Variants in MZT2B observed in about 807,000 individuals in gnomAD.
The protein encoded by MZT2B is mitotic-spindle organizing protein 2B.
In MZT2B, 11 loss-of-function variants were observed where a neutral mutation model predicts 12.1. That is an observed-to-expected ratio of 0.91 (90% CI 0.57 to 1.50). The LOEUF is 1.50. MZT2B is among the 40% of genes most tolerant of loss of function. The pLI is 0.00. For missense variants in MZT2B, 209 were observed against 227.7 expected (o/e 0.92, Z 0.53); for synonymous variants, 85 against 109.5 (o/e 0.78, Z 1.40).
chr2:130,200,220 T>C, the MZT2B span, among the ~76,000 whole-genome samples: 1 of 151,934 alleles, frequency 6.6e-6, no homozygotes, highest in African/African-American at 2.4e-5. Flanking sequence ...TGAAACCCCG[T>C]CTCTACTAAA....
chr2:130,191,665 C>T (rs957682131), downstream of MZT2B: 9 of 1,280,526 alleles, frequency 7.0e-6, no homozygotes, highest in Non-Finnish European at 1.1e-6. Flanking sequence ...GGCAGGCTGG[C>T]ACCCCACCGC....
the MZT2B span, chr2:130,196,047 T>G: frequency 2.2e-6 from 3 of 1,353,116 alleles, no homozygotes; most frequent in Non-Finnish European, 3.0e-6. Context: ...TGCCTGTCTA[T>G]CCCATCCTTT....
At chr2:130,183,189 C>A (rs1689857126) in intron 2 of MZT2B, 4 of 304,942 alleles carry the variant, frequency 1.3e-5, no homozygotes, top group Non-Finnish European at 2.5e-5. Context: ...AGGGTGAGAT[C>A]CTGTCTCTAA....
the MZT2B span, among the ~76,000 whole-genome samples, chr2:130,204,575 T>C: frequency 4.0e-5 from 6 of 151,862 alleles, no homozygotes; most frequent in African/African-American, 9.7e-5. Flanking sequence ...CCTGTAATCC[T>C]AGCTACTTGG....
At chr2:130,181,880 A>G (rs1239415934), upstream of MZT2B, 45 of 1,273,004 alleles carry the variant, frequency 3.5e-5, no homozygotes, top group Non-Finnish European at 4.3e-6. Context: ...GCCCGCCCCG[A>G]AAAGCGACCC....
intron 2 of MZT2B, 27 bp downstream of exon 2, chr2:130,182,802 C>T: frequency 7.0e-7 from 1 of 1,419,274 alleles, no homozygotes. Context: ...CTGTCCCTGC[C>T]CCAGTGGCGG....
At chr2:130,196,364 C>T in the MZT2B span, 4 of 1,612,576 alleles carry the variant, frequency 2.5e-6, no homozygotes, top group East Asian at 2.2e-5. Flanking sequence ...GATAGAGATA[C>T]ACTCGCGCTG....
At chr2:130,184,993 C>G (rs1007789021) in intron 2 of MZT2B, 1 of 630,038 alleles carries the variant, frequency 1.6e-6, no homozygotes, top group African/African-American at 2.0e-5. Context: ...AGCAAGACCC[C>G]ATCTCTACAA....
chr2:130,198,645 C>T, the MZT2B span, among the ~76,000 whole-genome samples: 4 of 123,656 alleles, frequency 3.2e-5, 1 homozygote, highest in Non-Finnish European at 7.1e-5. Flanking sequence ...TGAGGCATTT[C>T]CGGGGTGTCT....
At chr2:130,193,111 C>T (rs1305212481), downstream of MZT2B, among the ~76,000 whole-genome samples, 9 of 151,468 alleles carry the variant, frequency 5.9e-5, 1 homozygote, top group Admixed American at 2.6e-4. Flanking sequence ...AAAAATTACC[C>T]GGGCATGGTG....
chr2:130,199,526 G>A, the MZT2B span, among the ~76,000 whole-genome samples: 1 of 122,818 alleles, frequency 8.1e-6, no homozygotes, highest in East Asian at 2.6e-4. Flanking sequence ...CTCAAGCCTG[G>A]GTGACAGAGC....
At chr2:130,204,492 A>G in the MZT2B span, 10 of 329,508 alleles carry the variant, frequency 3.0e-5, no homozygotes, top group South Asian at 2.6e-4. Context: ...GGAGTTTGAG[A>G]CCAGCCTGGC....
chr2:130,192,725 G>C (rs149297687), downstream of MZT2B, among the ~76,000 whole-genome samples: 5 of 152,158 alleles, frequency 3.3e-5, no homozygotes, highest in Non-Finnish European at 7.3e-5. Context: ...TTCAGAACTC[G>C]GTAATAACAT....
downstream of MZT2B, among the ~76,000 whole-genome samples, chr2:130,193,116 A>G (rs1690308850): frequency 6.6e-6 from 1 of 150,642 alleles, no homozygotes; most frequent in African/African-American, 2.4e-5. Flanking sequence ...TTACCCGGGC[A>G]TGGTGGTACA....
chr2:130,192,082 G>A (rs375397282), downstream of MZT2B: 101 of 1,609,010 alleles, frequency 6.3e-5, no homozygotes, highest in Middle Eastern at 3.3e-4. Context: ...ACCTTGGCCA[G>A]GTCTCCCCCG....
downstream of MZT2B, among the ~76,000 whole-genome samples, chr2:130,191,074 C>T (rs1690247277): frequency 6.6e-6 from 1 of 152,142 alleles, no homozygotes; most frequent in South Asian, 2.1e-4. Context: ...CTCAGCCTCC[C>T]AAGTAGCTGG....
intron 1 of MZT2B, 86 bp from the exon 2 acceptor site, chr2:130,182,541 C>T (rs1689771219): frequency 3.2e-6 from 5 of 1,553,470 alleles, no homozygotes; most frequent in Non-Finnish European, 4.3e-6. Flanking sequence ...TCGGGAGGAG[C>T]CCCCGCCCCC....
At chr2:130,196,144 C>T in the MZT2B span, 1 of 1,610,656 alleles carries the variant, frequency 6.2e-7, no homozygotes, top group Non-Finnish European at 8.5e-7. Flanking sequence ...TGCCCAGGCA[C>T]CTACCGACCA....
At chr2:130,198,509 G>A in the MZT2B span, 1 of 959,402 alleles carries the variant, frequency 1.0e-6, no homozygotes, top group African/African-American at 1.8e-5. Flanking sequence ...GAGTTCCTGG[G>A]AGGCAGGCCG....
Sources: gnomAD v4.1 joint callset for allele counts (sites outside exome capture counted in the v4.1 genomes callset) on GRCh38, gnomAD v4.1.1 for gene constraint, MANE v1.5 for transcripts, NCBI Gene and HGNC (gene_info 2026-07-23, HGNC 2026-07-21) for gene names.